Variants in HMGB1 observed in about 807,000 individuals in gnomAD.
HMGB1 encodes the protein high mobility group protein B1.
For missense variants in HMGB1, 79 were observed against 253.5 expected, an observed-to-expected ratio of 0.31 and a Z score of 4.67; for synonymous variants, 81 against 84.0, an observed-to-expected ratio of 0.96 and a Z score of 0.19.
At chr13:30,578,667 C>T (rs889629512) in intron 1 of HMGB1, among the ~76,000 whole-genome samples, 5 of 152,148 alleles carry the variant, frequency 3.3e-5, no homozygotes, top group African/African-American at 1.2e-4. Flanking sequence ...CCTCTCTGGG[C>T]TTCTCACCAT....
In HMGB1 at chr13:30,464,567, G is replaced by A. The variant is rs1886597304; in HGVS notation, c.-14-873C>T. The A allele has an allele frequency of 5.1e-6, 5 of 984,342 alleles. No homozygotes were observed. In the South Asian group the frequency reaches 1.9e-4, roughly 37 times the overall value. 61.0% of individuals were successfully genotyped at this position (984,342 alleles called of 1,614,324 possible). A position where few individuals can be genotyped will look rare whatever the true frequency, so the allele number is the denominator to read the frequency against. ...CCGAGGCCGCCACGTGCGCCCGGCA[G>A]GCCCTGCAGGCCCGCGCCGCCGCCG... On this transcript the variant is annotated intron_variant, in intron 1 of 4. Coordinates refer to ENST00000341423, the MANE Select transcript of HMGB1 (RefSeq NM_002128.7).
intron 1 of HMGB1, among the ~76,000 whole-genome samples, chr13:30,522,669 G>A (rs2137476304): frequency 6.6e-6 from 1 of 152,200 alleles, no homozygotes; most frequent in East Asian, 1.9e-4. Flanking sequence ...AGCTCAGTAA[G>A]ATGGATGTGA....
upstream of HMGB1, among the ~76,000 whole-genome samples, chr13:30,466,269 C>T (rs1427684053): frequency 6.7e-6 from 1 of 150,340 alleles, no homozygotes; most frequent in Non-Finnish European, 1.5e-5. Flanking sequence ...TCTCCAACTC[C>T]TCAGGCAAAA....
chr13:30,587,416 G>A lies in HMGB1; in HGVS notation c.-15+29255C>T, dbSNP rs115330859. Reference sequence around the variant, plus strand: ...GACCACAGCACGCTACAGCATCCTGGCCTCAAGCAATTCTCCTGCCTCAGC... The same window carrying A: ...GACCACAGCACGCTACAGCATCCTGACCTCAAGCAATTCTCCTGCCTCAGC... On this transcript the variant is annotated intron_variant, in intron 1 of 4. Transcript: ENST00000405805. Among the ~76,000 whole-genome samples the A allele has an allele frequency of 2.6e-3, 390 of 152,274 alleles. 3 individuals are homozygous for A. In the Middle Eastern group the frequency reaches 0.037, roughly 15 times the overall value.
chr13:30,549,109 C>T (rs1869299585), intron 1 of HMGB1, among the ~76,000 whole-genome samples: 1 of 151,986 alleles, frequency 6.6e-6, no homozygotes, highest in Admixed American at 6.6e-5. Flanking sequence ...CCAGCCTGGG[C>T]AACAGAGTGA....
At chr13:30,528,906 C>T (rs919809332) in intron 1 of HMGB1, among the ~76,000 whole-genome samples, 1 of 151,806 alleles carries the variant, frequency 6.6e-6, no homozygotes, top group Non-Finnish European at 1.5e-5. Context: ...GCGGGCGCCT[C>T]TAGTCCCAGC....
At chr13:30,462,093 A>G (rs767015465) in intron 4 of HMGB1, among the ~76,000 whole-genome samples, 6 of 152,224 alleles carry the variant, frequency 3.9e-5, no homozygotes, top group Non-Finnish European at 8.8e-5. Context: ...AATTTACTGG[A>G]CAGAGCAGCA....
At chr13:30,588,502 G>A (rs974383305) in intron 1 of HMGB1, among the ~76,000 whole-genome samples, 1 of 152,106 alleles carries the variant, frequency 6.6e-6, no homozygotes, top group South Asian at 2.1e-4. Context: ...TGCAGCGGGG[G>A]AAAAAACAGA....
intron 1 of HMGB1, among the ~76,000 whole-genome samples, chr13:30,538,149 C>T (rs7321028): frequency 0.014 from 2,115 of 152,278 alleles, 50 homozygotes; most frequent in African/African-American, 0.048. Flanking sequence ...TTAAAGAAAG[C>T]GTCTTACAGG....
At chr13:30,561,734 T>C (rs1869962320) in intron 1 of HMGB1, among the ~76,000 whole-genome samples, 2 of 152,112 alleles carry the variant, frequency 1.3e-5, no homozygotes, top group African/African-American at 4.8e-5. Flanking sequence ...AGCAAGAGGT[T>C]TTCTTTAAGA....
At chr13:30,584,303 TTTC>T (rs1359104826) in intron 1 of HMGB1, among the ~76,000 whole-genome samples, 1 of 152,168 alleles carries the variant, frequency 6.6e-6, no homozygotes, top group Non-Finnish European at 1.5e-5. Context: ...ATGTGCACTT[TTTC>T]TTTTCTCTGA....
intron 1 of HMGB1, among the ~76,000 whole-genome samples, chr13:30,560,845 A>C (rs1191195086): frequency 6.6e-6 from 1 of 152,232 alleles, no homozygotes; most frequent in Admixed American, 6.5e-5. Flanking sequence ...AAAGGTGACA[A>C]TACTGATGGG....
intron 1 of HMGB1, among the ~76,000 whole-genome samples, chr13:30,506,750 C>T (rs1887878098): frequency 6.6e-6 from 1 of 152,178 alleles, no homozygotes; most frequent in Admixed American, 6.5e-5. Flanking sequence ...CAGTGACACA[C>T]ATCTTCCTGC....
intron 1 of HMGB1, among the ~76,000 whole-genome samples, chr13:30,575,076 G>C (rs552861638): frequency 2.0e-5 from 3 of 152,110 alleles, no homozygotes; most frequent in Non-Finnish European, 4.4e-5. Context: ...TATCTGCATG[G>C]TGTGCATATG....
rs1418702325 is a variant in HMGB1, at chr13:30,461,191, G to A, written c.*166C>T. 2 of 1,187,480 alleles carry A rather than the reference G, an allele frequency of 1.7e-6. No individual in the cohort carries two copies. Among genetic ancestry groups the A allele is most frequent in the Non-Finnish European group, 2.3e-6 (2 of 882,390 alleles). The allele number at this position is 1,187,480 out of a possible 1,614,324, so 73.6% of individuals were successfully genotyped here. A position where few individuals can be genotyped will look rare whatever the true frequency, so the allele number is the denominator to read the frequency against. On this transcript the variant is annotated 3_prime_UTR_variant, in exon 5 of 5. Transcript: ENST00000341423. ...TACCACCAGGACAGGGCTATCTAAA[G>A]ACACATTCGGTAGTGTGTTAACTAT... is the stretch of plus-strand genomic sequence containing the variant.
At chr13:30,569,106 T>C (rs1182307729) in intron 1 of HMGB1, among the ~76,000 whole-genome samples, 4 of 151,940 alleles carry the variant, frequency 2.6e-5, no homozygotes, top group Admixed American at 6.5e-5. Flanking sequence ...ACCCAGGAAG[T>C]GGAGGTTGTA....
At chr13:30,481,204 C>T (rs528443811) in intron 1 of HMGB1, among the ~76,000 whole-genome samples, 4 of 151,904 alleles carry the variant, frequency 2.6e-5, no homozygotes, top group East Asian at 1.9e-4. Flanking sequence ...TGTATCTATA[C>T]ATTCTTCAGT....
intron 1 of HMGB1, among the ~76,000 whole-genome samples, chr13:30,547,789 C>T (rs574994355): frequency 1.3e-5 from 2 of 152,174 alleles, no homozygotes; most frequent in Admixed American, 6.5e-5. Context: ...TGGTGGCACA[C>T]ACTTGTGATC....
At chr13:30,478,041 GAAAGAGATAGC>G (rs1442952335) in intron 1 of HMGB1, among the ~76,000 whole-genome samples, 1 of 152,188 alleles carries the variant, frequency 6.6e-6, no homozygotes, top group Non-Finnish European at 1.5e-5. Context: ...GAGGAAGTAG[GAAAGAGATAGC>G]ATGGTTCACT....
Sources: gnomAD v4.1 joint callset for allele counts (sites outside exome capture counted in the v4.1 genomes callset) on GRCh38, gnomAD v4.1.1 for gene constraint, MANE v1.5 for transcripts, NCBI Gene and HGNC (gene_info 2026-07-23, HGNC 2026-07-21) for gene names.